Variants in ECEL1 observed in about 807,000 individuals in gnomAD.
The protein encoded by ECEL1 is endothelin converting enzyme like 1.
ECEL1 carries 87 observed loss-of-function variants against 101.8 expected under a neutral mutation model. The ratio of observed to expected loss-of-function variants is 0.85; its 90% CI spans 0.72 to 1.02. ECEL1 has a LOEUF of 1.02. ECEL1 is among the 50% of genes least tolerant of loss of function. The pLI is 0.00. For synonymous variants in ECEL1, 487 were observed against 468.7 expected, an observed-to-expected ratio of 1.04 and a Z score of -0.50; for missense variants, 1,032 against 1,079.2, an observed-to-expected ratio of 0.96 and a Z score of 0.61.
In ECEL1 at chr2:232,484,190, C is replaced by A; in HGVS notation, c.1218G>T (p.Val406=). Residue 406 remains valine, a synonymous_variant, in exon 7 of 18, where the codon GTG becomes GTT. Transcript: ENST00000304546. Reference sequence around the variant, plus strand: ...GGGACAGGTGTTCACTCAGGACCACCACCACGCGCCACACCAGGTAGTTGT... The same window carrying A: ...GGGACAGGTGTTCACTCAGGACCACAACCACGCGCCACACCAGGTAGTTGT... The part of the protein sequence containing the change: ...VLHNYLVWRV[V]VVLSEHLSPP... 6.2e-7 allele frequency: 1 copy of A among 1,612,946 alleles called. No homozygotes were observed. The highest frequency in any genetic ancestry group is 1.1e-5 in the South Asian group (1 of 91,056).
chr2:232,483,479 C>A lies in ECEL1; in HGVS notation c.1443G>T (p.Leu481=). ...AGTCCAGCTCCTCCAGGCGCTGGCC[C>A]AGGATGTACTTGATGTCTTCCACTA... is the stretch of plus-strand genomic sequence containing the variant. ...QQLVEDIKYI[L]GQRLEELDWM... is the part of the protein sequence containing the mutation. The change falls in exon 8 of 18, where the codon CTG becomes CTT. Residue 481 remains leucine, a synonymous_variant. Coordinates refer to ENST00000304546, the MANE Select transcript of ECEL1 (RefSeq NM_004826.4). 6.2e-7 allele frequency: 1 copy of A among 1,612,386 alleles called. No individual in the cohort carries two copies. The highest frequency in any genetic ancestry group is 8.5e-7 in the Non-Finnish European group (1 of 1,179,722).
chr2:232,486,817 C>G, intron 1 of ECEL1, 63 bp from the exon 2 acceptor site: 1 of 690,908 alleles, frequency 1.4e-6, no homozygotes, highest in South Asian at 3.7e-5. Context: ...AGGGTCACCG[C>G]GAGGAGGGAC....
intron 10 of ECEL1, 73 bp from the exon 11 acceptor site, chr2:232,482,681 G>T (rs1261468695): frequency 1.9e-6 from 3 of 1,550,254 alleles, no homozygotes; most frequent in Admixed American, 3.4e-5. Context: ...CAGCTTCCTC[G>T]TCAGCCATCT....
Position 232,484,579 on chromosome 2 carries a change from CA to C in ECEL1, c.1076del (p.Leu359ArgfsTer2). On this transcript the variant is annotated frameshift_variant, in exon 6 of 18. Coordinates refer to ENST00000304546, the MANE Select transcript of ECEL1 (RefSeq NM_004826.4). LOFTEE classifies it high-confidence loss of function. The stretch of plus-strand genomic sequence containing the variant: ...AGTCCTCCTGGAAGATCTGGTCTAG[CA>C]GCCACTTCCACCGCAACTGTGAGAC... ...KITPHLRWKW[L>X]LDQIFQEDFS... 1 of 1,613,940 alleles carries C rather than the reference CA, an allele frequency of 6.2e-7. No homozygotes were observed. Among genetic ancestry groups the C allele is most frequent in the Non-Finnish European group, 8.5e-7 (1 of 1,180,024 alleles).
At position 232,482,836 on chromosome 2, in the gene ECEL1, G is replaced by A; in HGVS notation, c.1685+15C>T. 6.2e-7 allele frequency: 1 copy of A among 1,613,506 alleles called. No individual in the cohort carries two copies. ...CAACCCTTCCCTGACCCCCAGCTCT[G>A]GGCCAGGCACCCACGTGGACTTGTC... On this transcript the variant is annotated intron_variant, in intron 10 of 17. Coordinates refer to ENST00000304546, the MANE Select transcript of ECEL1 (RefSeq NM_004826.4).
In ECEL1 at chr2:232,481,142, G is replaced by A. The variant is rs747044806; in HGVS notation, c.2004C>T (p.His668=). The change falls in exon 15 of 18, where the codon CAC becomes CAT. Residue 668 remains histidine (H), a synonymous_variant. Transcript: ENST00000304546. Reference sequence around the variant, plus strand: ...TATCTGCGATGTTCTCCCCAAGCGTGTGTTTCCCGTTCACCTGCCGGGAAG... The same window carrying A: ...TATCTGCGATGTTCTCCCCAAGCGTATGTTTCCCGTTCACCTGCCGGGAAG... ...TVYNQRVNGK[H]TLGENIADMG... 7 of 1,567,318 alleles carry A rather than the reference G, an allele frequency of 4.5e-6. No individual in the cohort carries two copies. Among genetic ancestry groups the A allele is most frequent in the South Asian group, 1.2e-5 (1 of 85,090 alleles).
chr2:232,485,233 G>A lies in ECEL1; in HGVS notation c.821C>T (p.Thr274Ile), dbSNP rs145578067. The A allele has an allele frequency of 2.4e-5, 38 of 1,613,540 alleles. No individual in the cohort carries two copies. The highest frequency in any genetic ancestry group is 3.1e-5 in the Non-Finnish European group (36 of 1,180,002). The change falls in exon 3 of 18, where the codon ACC (threonine) becomes ATC (isoleucine). Residue 274 changes from threonine to isoleucine, a missense_variant. By Grantham distance (89) the Thr-to-Ile change is moderately conservative (BLOSUM62 -1). Transcript: ENST00000304546. ...GTCCTCATCCTGAGCGAGGTACAGGGTCCTCTCTGGCAGGGTGAGCCCATC... is the reference window on the plus strand; with the variant it reads ...GTCCTCATCCTGAGCGAGGTACAGGATCCTCTCTGGCAGGGTGAGCCCATC... ...DQDGLTLPER[T>I]LYLAQDEDSE...
intron 16 of ECEL1, 37 bp from the exon 17 acceptor site, chr2:232,480,512 G>T (rs2573248): frequency 1.9e-6 from 3 of 1,611,624 alleles, no homozygotes; most frequent in Non-Finnish European, 1.7e-6. Context: ...AGGAGGGGGA[G>T]ATGAAGCCAG....
rs746265437 is a variant in ECEL1, at chr2:232,482,921, T to C, written c.1615A>G (p.Ile539Val). ...ATGCTGAAGCGGATGCTGTTCAAGA[T>C]GTTCTTGAAGTAGGTCTTCTCATGG... ...EVHEKTYFKN[I>V]LNSIRFSIQL... The change falls in exon 10 of 18, where the codon ATC becomes GTC. Residue 539 changes from isoleucine (I) to valine (V), a missense_variant. Coordinates refer to ENST00000304546, the MANE Select transcript of ECEL1 (RefSeq NM_004826.4). 3 of 1,614,166 alleles carry C rather than the reference T, an allele frequency of 1.9e-6. No homozygotes were observed. Among genetic ancestry groups the C allele is most frequent in the Admixed American group, 1.7e-5 (1 of 60,038 alleles).
In ECEL1 at chr2:232,481,364, T is replaced by C. The variant is rs10201913; in HGVS notation, c.1989+142A>G. The C allele has an allele frequency of 0.06, 84,687 of 1,419,708 alleles. 4,558 individuals are homozygous for C. Among genetic ancestry groups the C allele is most frequent in the African/African-American group, 0.28 (19,889 of 70,562 alleles). 87.9% of individuals were successfully genotyped at this position (1,419,708 alleles called of 1,614,324 possible). ...GACACTCATTATCTGTCCACGTGAGTGTGCGTGGGAACCGAATGTGTGTGC... is the reference window on the plus strand; with the variant it reads ...GACACTCATTATCTGTCCACGTGAGCGTGCGTGGGAACCGAATGTGTGTGC... On this transcript the variant is annotated intron_variant, in intron 14 of 17. Transcript: ENST00000304546.
chr2:232,485,969 T>C lies in ECEL1; in HGVS notation c.685A>G (p.Asn229Asp). The change falls in exon 2 of 18, where the codon AAC becomes GAC. Residue 229 changes from asparagine to aspartate, a missense_variant. Asn to Asp is a conservative substitution (Grantham distance 23, BLOSUM62 1). Coordinates refer to ENST00000304546, the MANE Select transcript of ECEL1 (RefSeq NM_004826.4). ...RPGVAARWDL[N>D]RLLYKAQGVY... is the part of the protein sequence containing the mutation. ...CCCTGCGCCTTGTACAGCAGCCGGT[T>C]GAGGTCCCATCGCGCCGCGACCCCC... 1 of 1,598,968 alleles carries C rather than the reference T, an allele frequency of 6.3e-7. No individual in the cohort carries two copies. The highest frequency in any genetic ancestry group is 8.5e-7 in the Non-Finnish European group (1 of 1,174,558).
intron 4 of ECEL1, 33 bp downstream of exon 4, chr2:232,484,948 G>T: frequency 6.2e-7 from 1 of 1,612,612 alleles, no homozygotes; most frequent in Non-Finnish European, 8.5e-7. Context: ...CCTCCCTCAA[G>T]CCCAGGGCAG....
At chr2:232,485,726 G>GCTCCC (rs1465391770) in intron 2 of ECEL1, 142 bp downstream of exon 2, 3 of 1,129,974 alleles carry the variant, frequency 2.7e-6, no homozygotes, top group South Asian at 3.1e-5. Flanking sequence ...GCCTCTGTGC[G>GCTCCC]CTCCCCTCCC....
At chr2:232,483,934 C>A in intron 7 of ECEL1, 67 bp downstream of exon 7, 1 of 1,513,846 alleles carries the variant, frequency 6.6e-7, no homozygotes, top group Non-Finnish European at 9.0e-7. Flanking sequence ...ATATTAGGAC[C>A]ATGGCCTCGG....
chr2:232,479,873 G>T lies in ECEL1; in HGVS notation c.*280C>A. ...CCAGACTTTGCAGCAAGAACACAGCGAAGGTGGGGCCCGTACAATCCAGCC... is the reference window on the plus strand; with the variant it reads ...CCAGACTTTGCAGCAAGAACACAGCTAAGGTGGGGCCCGTACAATCCAGCC... On this transcript the variant is annotated 3_prime_UTR_variant, in exon 18 of 18. Transcript: ENST00000304546. 2 of 496,082 alleles carry T rather than the reference G, an allele frequency of 4.0e-6. No individual in the cohort carries two copies. 30.7% of individuals were successfully genotyped at this position (496,082 alleles called of 1,614,324 possible).
rs1690638374 is a variant in ECEL1, at chr2:232,483,460, G to C, written c.1462C>G (p.Leu488Val). The C allele has an allele frequency of 2.5e-6, 4 of 1,612,562 alleles. No homozygotes were observed. Among genetic ancestry groups the C allele is most frequent in the Non-Finnish European group, 2.5e-6 (3 of 1,179,762 alleles). ...CTGGTCTCGGCGTCCATCCAGTCCA[G>C]CTCCTCCAGGCGCTGGCCCAGGATG... ...KYILGQRLEE[L>V]DWMDAETRAA... Residue 488 changes from leucine to valine, a missense_variant, in exon 8 of 18, where the codon CTG becomes GTG. Physicochemically the swap from Leu to Val is conservative, Grantham distance 32 (BLOSUM62 1). Transcript: ENST00000304546.
rs200251847 is a variant in ECEL1 at position 232,481,861 on chromosome 2, G to A, written c.1797-12C>T. 1.9e-4 allele frequency: 312 copies of A among 1,613,760 alleles called. 2 individuals are homozygous for A. In the African/African-American group the frequency reaches 3.8e-3, roughly 20 times the overall value. ...CGTAGTTGAGAGACCTGGGCCCACAGCAGCAGCATCAGGCCCTAGCCCTCC... is the reference window on the plus strand; with the variant it reads ...CGTAGTTGAGAGACCTGGGCCCACAACAGCAGCATCAGGCCCTAGCCCTCC... On this transcript the variant is annotated splice_polypyrimidine_tract_variant and intron_variant, in intron 12 of 17. Coordinates refer to ENST00000304546, the MANE Select transcript of ECEL1 (RefSeq NM_004826.4).
At position 232,480,745 on chromosome 2, in the gene ECEL1, G is replaced by A. The variant is rs1287300692; in HGVS notation, c.2124C>T (p.Asp708=). The A allele has an allele frequency of 1.2e-6, 2 of 1,614,054 alleles. No homozygotes were observed. Among genetic ancestry groups the A allele is most frequent in the Admixed American group, 1.7e-5 (1 of 60,002 alleles). The change falls in exon 16 of 18, where the codon GAC becomes GAT. Residue 708 remains aspartate (D), a synonymous_variant. Transcript: ENST00000304546. ...GGGCAAAGGCAATGAAGAAGAGCTG[G>A]TCATGTGTGTACTTGAGCCGGGGAA... is the stretch of plus-strand genomic sequence containing the variant. The part of the protein sequence containing the change: ...HPLPRLKYTH[D]QLFFIAFAQN...
chr2:232,481,124 G>A lies in ECEL1; in HGVS notation c.2022C>T (p.Ile674=), dbSNP rs755798650. ...VNGKHTLGEN[I]ADMGGLKLAY... ...CCAGCTTGAGGCCGCCCATATCTGC[G>A]ATGTTCTCCCCAAGCGTGTGTTTCC... The change falls in exon 15 of 18, where the codon ATC becomes ATT. Residue 674 remains isoleucine, a synonymous_variant. Transcript: ENST00000304546. 15 of 1,569,054 alleles carry A rather than the reference G, an allele frequency of 9.6e-6. No homozygotes were observed. The Middle Eastern group carries it at 5.0e-4, about 52-fold the overall frequency.
Sources: allele counts gnomAD v4.1 joint callset, GRCh38; gene constraint gnomAD v4.1.1; transcripts MANE v1.5; gene names NCBI Gene and HGNC (gene_info 2026-07-23, HGNC 2026-07-21).